Variants in PRKN observed in about 807,000 individuals in gnomAD.
PRKN encodes parkin RBR E3 ubiquitin protein ligase, also known as E3 ubiquitin-protein ligase parkin.
In PRKN, 56 loss-of-function variants were observed where a neutral mutation model predicts 59.5. That is an observed-to-expected ratio of 0.94 (90% CI 0.76 to 1.18). The LOEUF (loss-of-function observed/expected upper bound fraction) is 1.18, where lower values mean the gene tolerates loss of function less well. Ranked by LOEUF, PRKN falls within the 50% of genes most tolerant of loss-of-function variation. The pLI is 0.00. For missense variants in PRKN, 657 were observed against 596.4 expected (o/e 1.10, Z -1.06); for synonymous variants, 250 against 222.1 (o/e 1.13, Z -1.12).
chr6:162,001,243 AT>A (rs1782043520), intron 5 of PRKN, among the ~76,000 whole-genome samples: 1 of 152,096 alleles, frequency 6.6e-6, no homozygotes, highest in South Asian at 2.1e-4. Flanking sequence ...AAGAATTAAC[AT>A]TCTGACAATA....
intron 1 of PRKN, among the ~76,000 whole-genome samples, chr6:162,576,673 G>C (rs760882505): frequency 6.6e-6 from 1 of 151,980 alleles, no homozygotes; most frequent in East Asian, 1.9e-4. Context: ...TTAGCTGGGC[G>C]TGGTGGCGCA....
chr6:162,046,798 G>T (rs548368599), intron 5 of PRKN, among the ~76,000 whole-genome samples: 2 of 151,788 alleles, frequency 1.3e-5, no homozygotes, highest in Non-Finnish European at 2.9e-5. Context: ...TTTTTTCCAT[G>T]GGAAACTAAT....
chr6:162,645,625 GC>G (rs1357547697), intron 1 of PRKN, among the ~76,000 whole-genome samples: 1 of 152,124 alleles, frequency 6.6e-6, no homozygotes, highest in African/African-American at 2.4e-5. Context: ...AAAAAAAAGT[GC>G]TTTTTGAAAT....
rs150628417 is a variant in PRKN, at chr6:162,353,385, A to G, written c.171+89925T>C. On this transcript the variant is annotated intron_variant, in intron 2 of 11. Coordinates refer to ENST00000366898, the MANE Select transcript of PRKN (RefSeq NM_004562.3). ...AAAAAAAAAATGAAATTGAGTGCTA[A>G]GCATTTCAGCAGCTATTCTTTCACA... is the stretch of plus-strand genomic sequence containing the variant. 4.8e-3 allele frequency among the ~76,000 whole-genome samples: 724 copies of G among 152,284 alleles called. 5 individuals carry two copies. Among genetic ancestry groups the G allele is most frequent in the African/African-American group, 0.016 (660 of 41,570 alleles).
At chr6:161,450,355 T>C (rs1789673449) in intron 9 of PRKN, among the ~76,000 whole-genome samples, 1 of 152,224 alleles carries the variant, frequency 6.6e-6, no homozygotes, top group Admixed American at 6.5e-5. Context: ...ACATCCCATG[T>C]TGCGAAGCTC....
At chr6:162,220,889 T>A (rs1777899514) in intron 3 of PRKN, among the ~76,000 whole-genome samples, 1 of 152,204 alleles carries the variant, frequency 6.6e-6, no homozygotes, top group Non-Finnish European at 1.5e-5. Flanking sequence ...ACGTTACAAT[T>A]CATCCTTTCA....
chr6:162,509,448 A>G (rs139720383), intron 1 of PRKN, among the ~76,000 whole-genome samples: 2 of 152,222 alleles, frequency 1.3e-5, no homozygotes, highest in African/African-American at 4.8e-5. Context: ...CAACAAAAAG[A>G]GGATTTGAAA....
At chr6:162,590,505 A>G (rs1377719681) in intron 1 of PRKN, among the ~76,000 whole-genome samples, 1 of 152,192 alleles carries the variant, frequency 6.6e-6, no homozygotes, top group Non-Finnish European at 1.5e-5. Flanking sequence ...CTAGTACAAC[A>G]TATTTCAAAG....
chr6:162,667,964 C>A (rs185584351), intron 1 of PRKN, among the ~76,000 whole-genome samples: 2 of 152,122 alleles, frequency 1.3e-5, no homozygotes, highest in East Asian at 3.9e-4. Context: ...TTAATAAGCA[C>A]AATTACTTAT....
chr6:161,449,354 A>G (rs995130597), intron 9 of PRKN, among the ~76,000 whole-genome samples: 3 of 152,174 alleles, frequency 2.0e-5, no homozygotes, highest in African/African-American at 7.2e-5. Flanking sequence ...ACATAAACTC[A>G]AAGAAGGTTT....
chr6:162,126,806 C>CTGTT (rs143861022), intron 4 of PRKN, among the ~76,000 whole-genome samples: 6,066 of 152,022 alleles, frequency 0.04, 161 homozygotes, highest in Middle Eastern at 0.058. Flanking sequence ...ATTCATTTTC[C>CTGTT]TGTTTGTTTG....
rs1780404319 is a variant in PRKN at position 161,560,187 on chromosome 6, T to C, written c.933+9168A>G. On this transcript the variant is annotated intron_variant, in intron 8 of 11. Coordinates refer to ENST00000366898, the MANE Select transcript of PRKN (RefSeq NM_004562.3). This position sits in a 1 kb window ranked among gnomAD's most constrained non-coding sequence, Gnocchi z 4.9. ...TTTTTTCTGTGTCCCCTGAAATTCC[T>C]GTTCATGATAAACTAACTGCCCTGT... 6.6e-6 allele frequency among the ~76,000 whole-genome samples: 1 copy of C among 152,228 alleles called. No individual in the cohort carries two copies. The highest frequency in any genetic ancestry group is 1.5e-5 in the Non-Finnish European group (1 of 68,040).
At chr6:161,780,889 T>A (rs1790174948) in intron 7 of PRKN, among the ~76,000 whole-genome samples, 1 of 152,234 alleles carries the variant, frequency 6.6e-6, no homozygotes, top group Admixed American at 6.5e-5. Context: ...CATCTGAAAG[T>A]TTCTCTTTGC....
chr6:161,959,041 G>A (rs541248729), intron 6 of PRKN, among the ~76,000 whole-genome samples: 1 of 152,316 alleles, frequency 6.6e-6, no homozygotes, highest in Admixed American at 6.5e-5. Context: ...ACTGGAATAA[G>A]TTAAATATTG....
chr6:161,516,826 C>CAAAAAACAAAA (rs1778623291), intron 9 of PRKN, among the ~76,000 whole-genome samples: 1 of 63,210 alleles, frequency 1.6e-5, no homozygotes, highest in Non-Finnish European at 2.8e-5. Context: ...GACTCAATCT[C>CAAAAAACAAAA]AAAAAAAAAA....
At chr6:162,280,199 T>C (rs1780827047) in intron 2 of PRKN, among the ~76,000 whole-genome samples, 1 of 152,176 alleles carries the variant, frequency 6.6e-6, no homozygotes, top group African/African-American at 2.4e-5. Flanking sequence ...CGTGTGAATT[T>C]GTTCCTGCAT....
chr6:161,978,288 G>A (rs1191188183), intron 5 of PRKN, among the ~76,000 whole-genome samples: 3 of 152,100 alleles, frequency 2.0e-5, no homozygotes, highest in African/African-American at 7.2e-5. Context: ...GACCTCAGGT[G>A]ATCCACCGGC....
intron 2 of PRKN, among the ~76,000 whole-genome samples, chr6:162,389,851 T>TA (rs1229919696): frequency 2.0e-5 from 3 of 152,332 alleles, no homozygotes; most frequent in South Asian, 2.1e-4. Flanking sequence ...GCTTCCTACA[T>TA]ACTCTTTGCA....
intron 6 of PRKN, among the ~76,000 whole-genome samples, chr6:161,921,084 T>C (rs1778769242): frequency 6.6e-6 from 1 of 152,220 alleles, no homozygotes; most frequent in East Asian, 1.9e-4. Context: ...AAACACATTG[T>C]ACAGCCATAT....
Sources: allele counts gnomAD v4.1 joint callset (sites outside exome capture counted in the v4.1 genomes callset), GRCh38; gene constraint gnomAD v4.1.1; non-coding constraint Gnocchi (gnomAD v3.1); transcripts MANE v1.5; gene names NCBI Gene and HGNC (gene_info 2026-07-23, HGNC 2026-07-21).